The following NALF1 variants were observed in gnomAD, a reference collection of about 807,000 sequenced individuals.
NALF1 encodes the protein family with sequence similarity 155 member A.
In NALF1, 3 loss-of-function variants were observed where a neutral mutation model predicts 48.4. The observed-to-expected ratio is 0.06, with a 90% CI of 0.03 to 0.16. The LOEUF (loss-of-function observed/expected upper bound fraction) is 0.16. Among genes scored for constraint, NALF1 ranks in the 10% least tolerant of loss-of-function variants. The probability of loss-of-function intolerance (pLI) is 1.00; values close to 1 mark genes in which losing one functional copy is unlikely to be tolerated. For missense variants in NALF1, 526 were observed against 571.5 expected, an observed-to-expected ratio of 0.92 and a Z score of 0.81; for synonymous variants, 262 against 245.7, an observed-to-expected ratio of 1.07 and a Z score of -0.62.
At chr13:107,546,062 C>A (rs1200079074) in intron 1 of NALF1, among the ~76,000 whole-genome samples, 2 of 152,056 alleles carry the variant, frequency 1.3e-5, no homozygotes, top group African/African-American at 2.4e-5. Flanking sequence ...TCCCCAGGGT[C>A]CTCGGCAGAT....
intron 2 of NALF1, among the ~76,000 whole-genome samples, chr13:107,184,541 G>A (rs1183432640): frequency 6.6e-6 from 1 of 152,088 alleles, no homozygotes; most frequent in African/African-American, 2.4e-5. Context: ...AACTGTATGT[G>A]TATAACATAT....
chr13:107,182,253 CGT>C (rs71204818), intron 2 of NALF1, among the ~76,000 whole-genome samples: 13,250 of 143,156 alleles, frequency 0.093, 644 homozygotes, highest in African/African-American at 0.14. Flanking sequence ...TGTGTGTGTC[CGT>C]GTGTGTGTGT....
At chr13:107,284,917 T>A (rs890896857) in intron 1 of NALF1, among the ~76,000 whole-genome samples, 2 of 146,546 alleles carry the variant, frequency 1.4e-5, no homozygotes, top group African/African-American at 2.5e-5. Context: ...ATTTTTTTTT[T>A]AAATGATAGA....
intron 1 of NALF1, among the ~76,000 whole-genome samples, chr13:107,596,412 G>A (rs545903002): frequency 1.8e-4 from 27 of 152,260 alleles, no homozygotes; most frequent in African/African-American, 6.5e-4. Flanking sequence ...CAATGAATTG[G>A]AAACAACCCA....
rs763313008 is a variant in NALF1 at position 107,837,222 on chromosome 13, G to A, written c.915+28460C>T. ...ACAAATGCAGGATGCTCTATACAGT[G>A]TAACCAATTACAGGAAAAAGAAAAT... On this transcript the variant is annotated intron_variant, in intron 1 of 2. Coordinates refer to ENST00000375915, the MANE Select transcript of NALF1 (RefSeq NM_001080396.3). 1.1e-4 allele frequency among the ~76,000 whole-genome samples: 17 copies of A among 152,116 alleles called. 1 individual carries two copies. Among genetic ancestry groups the A allele is most frequent in the Non-Finnish European group, 2.4e-4 (16 of 68,028 alleles).
intron 1 of NALF1, among the ~76,000 whole-genome samples, chr13:107,766,115 G>A (rs1027694244): frequency 6.6e-6 from 1 of 152,152 alleles, no homozygotes; most frequent in Non-Finnish European, 1.5e-5. Flanking sequence ...TACTGAGTTA[G>A]GAGGTGAATG....
intron 1 of NALF1, among the ~76,000 whole-genome samples, chr13:107,375,559 T>A (rs1015841847): frequency 6.6e-6 from 1 of 152,110 alleles, no homozygotes; most frequent in Non-Finnish European, 1.5e-5. Flanking sequence ...TAATAATATA[T>A]TGCATATTTT....
chr13:107,251,626 G>C (rs938475068), intron 1 of NALF1, among the ~76,000 whole-genome samples: 3 of 152,158 alleles, frequency 2.0e-5, no homozygotes, highest in African/African-American at 2.4e-5. Flanking sequence ...CTGAAGGTAG[G>C]GGAGTGCAGA....
intron 1 of NALF1, among the ~76,000 whole-genome samples, chr13:107,437,458 A>G (rs955107674): frequency 2.0e-5 from 3 of 152,234 alleles, no homozygotes; most frequent in African/African-American, 7.2e-5. Context: ...GATTATTCAT[A>G]TGGTTCATAA....
At chr13:107,279,555 G>A (rs1881348197) in intron 1 of NALF1, among the ~76,000 whole-genome samples, 1 of 151,650 alleles carries the variant, frequency 6.6e-6, no homozygotes, top group African/African-American at 2.4e-5. Context: ...CGCACCCGGT[G>A]ATGCCTCAAC....
intron 1 of NALF1, among the ~76,000 whole-genome samples, chr13:107,843,812 A>G (rs1336213279): frequency 6.6e-6 from 1 of 152,162 alleles, no homozygotes; most frequent in Admixed American, 6.6e-5. Context: ...CAGACCAAAA[A>G]ATAAATTGAG....
intron 1 of NALF1, among the ~76,000 whole-genome samples, chr13:107,272,007 A>G (rs924414658): frequency 6.6e-6 from 1 of 151,374 alleles, no homozygotes; most frequent in African/African-American, 2.4e-5. Context: ...TTCCTAAGCC[A>G]GTGCTTGGGT....
At position 107,611,452 on chromosome 13, in the gene NALF1, C is replaced by T. The variant is rs563273536; in HGVS notation, c.915+254230G>A. Reference sequence around the variant, plus strand: ...ACTAGAGTGTCCATTGATGGATGAACGGGTAAAGCAAATGTGGCACATAAA... The same window carrying T: ...ACTAGAGTGTCCATTGATGGATGAATGGGTAAAGCAAATGTGGCACATAAA... On this transcript the variant is annotated intron_variant, in intron 1 of 2. Transcript: ENST00000375915. Among the ~76,000 whole-genome samples the T allele has an allele frequency of 4.6e-5, 7 of 151,754 alleles. No homozygotes were observed. The East Asian group carries it at 7.8e-4, about 17-fold the overall frequency.
intron 1 of NALF1, 135 bp downstream of exon 1, chr13:107,865,547 A>C: frequency 8.3e-7 from 1 of 1,203,710 alleles, no homozygotes; most frequent in Non-Finnish European, 1.2e-6. Flanking sequence ...CAGCAAGCCA[A>C]GCTCTTAATA....
intron 1 of NALF1, among the ~76,000 whole-genome samples, chr13:107,252,779 T>C (rs962954320): frequency 3.9e-5 from 6 of 152,354 alleles, no homozygotes; most frequent in Admixed American, 6.5e-5. Flanking sequence ...TATTATTTTC[T>C]AAATATATCT....
chr13:107,680,825 T>A (rs1881279454), intron 1 of NALF1, among the ~76,000 whole-genome samples: 6 of 151,226 alleles, frequency 4.0e-5, no homozygotes, highest in Non-Finnish European at 8.8e-5. Flanking sequence ...AGTGTATGAG[T>A]GTGAATGTGC....
Position 107,669,200 on chromosome 13 carries a change from C to G in NALF1, c.915+196482G>C, listed in dbSNP as rs570068332. Among the ~76,000 whole-genome samples, 4 of 152,116 alleles carry G rather than the reference C, an allele frequency of 2.6e-5. No homozygotes were observed. In the East Asian group the frequency reaches 7.7e-4, roughly 29 times the overall value. On this transcript the variant is annotated intron_variant, in intron 1 of 2. Transcript: ENST00000375915. ...AGGAAACTGATGTGATTCTAGTTTT[C>G]AGGAGAGACTCAATATAATTGAGAA...
chr13:107,271,814 A>ATATATATATATATATATATT (rs1374366280), intron 1 of NALF1, among the ~76,000 whole-genome samples: 1 of 102,588 alleles, frequency 9.7e-6, no homozygotes. Context: ...ATATATATAT[A>ATATATATATATATATATATT]TATTTATATA....
intron 1 of NALF1, among the ~76,000 whole-genome samples, chr13:107,480,650 A>C (rs1361271127): frequency 6.6e-6 from 1 of 152,204 alleles, no homozygotes; most frequent in Admixed American, 6.5e-5. Context: ...GTTGGGCCTC[A>C]TTCAAATCTG....
Sources: allele counts gnomAD v4.1 joint callset (sites outside exome capture counted in the v4.1 genomes callset), GRCh38; gene constraint gnomAD v4.1.1; transcripts MANE v1.5; gene names NCBI Gene and HGNC (gene_info 2026-07-23, HGNC 2026-07-21).